Variants in JMJD1C observed in about 807,000 individuals in gnomAD.
JMJD1C encodes the protein jumonji domain-containing protein 1C.
In JMJD1C, 31 loss-of-function variants were observed where a neutral mutation model predicts 245.3. The observed-to-expected ratio is 0.13, with a 90% confidence interval of 0.09 to 0.17. The LOEUF (loss-of-function observed/expected upper bound fraction) is 0.17. Among genes scored for constraint, JMJD1C ranks in the 10% least tolerant of loss-of-function variants. The probability of loss-of-function intolerance (pLI) is 1.00; values close to 1 mark genes in which losing one functional copy is unlikely to be tolerated. For synonymous variants in JMJD1C, 1,057 were observed against 1,017.4 expected (o/e 1.04, Z -0.74); for missense variants, 2,691 against 3,000.2 (o/e 0.90, Z 2.41).
At chr10:63,447,591 A>C (rs540553257) in intron 1 of JMJD1C, among the ~76,000 whole-genome samples, 1 of 152,212 alleles carries the variant, frequency 6.6e-6, no homozygotes, top group Non-Finnish European at 1.5e-5. Context: ...ATAATATTCC[A>C]AATTACTTAG....
At chr10:63,435,114 ATCT>A (rs1205936741) in intron 1 of JMJD1C, among the ~76,000 whole-genome samples, 3 of 152,218 alleles carry the variant, frequency 2.0e-5, no homozygotes, top group African/African-American at 7.2e-5. Context: ...CTGACCTGTA[ATCT>A]TCTCATATAA....
chr10:63,280,438 T>A (rs1015057563), intron 2 of JMJD1C, among the ~76,000 whole-genome samples: 1 of 152,008 alleles, frequency 6.6e-6, no homozygotes, highest in African/African-American at 2.4e-5. Context: ...TAGTCCCAGT[T>A]ACTCGGGAGG....
chr10:63,330,307 T>C (rs1188475302), intron 2 of JMJD1C, among the ~76,000 whole-genome samples: 2 of 152,198 alleles, frequency 1.3e-5, no homozygotes, highest in Non-Finnish European at 2.9e-5. Context: ...CAATGGTTTT[T>C]AGAATTTAAC....
chr10:63,493,019 G>C (rs888309232), intron 1 of JMJD1C, among the ~76,000 whole-genome samples: 1 of 152,102 alleles, frequency 6.6e-6, no homozygotes, highest in African/African-American at 2.4e-5. Context: ...GGGAGAAATA[G>C]AAGGATGATT....
chr10:63,224,048 TATAA>T (rs1488095083), intron 3 of JMJD1C, among the ~76,000 whole-genome samples: 2 of 152,066 alleles, frequency 1.3e-5, no homozygotes, highest in African/African-American at 4.8e-5. Flanking sequence ...AGCCCAGCCT[TATAA>T]ATATTTTTTC....
chr10:63,397,574 C>T (rs1316766003), intron 1 of JMJD1C, among the ~76,000 whole-genome samples: 1 of 152,028 alleles, frequency 6.6e-6, no homozygotes, highest in African/African-American at 2.4e-5. Context: ...ACTCTTGTCA[C>T]CCAGGCTGGA....
chr10:63,519,408 T>C (rs1249591631), intron 1 of JMJD1C, among the ~76,000 whole-genome samples: 2 of 152,230 alleles, frequency 1.3e-5, no homozygotes, highest in Non-Finnish European at 2.9e-5. Context: ...TTTTTAAATC[T>C]GATGCCTAAA....
At chr10:63,469,162 CTAA>C (rs1953411705), upstream of JMJD1C, among the ~76,000 whole-genome samples, 1 of 152,178 alleles carries the variant, frequency 6.6e-6, no homozygotes, top group Admixed American at 6.5e-5. Flanking sequence ...CTCATACATA[CTAA>C]TATTTTATGT....
chr10:63,167,976 C>T lies in JMJD1C; in HGVS notation c.*69G>A. 1 of 892,790 alleles carries T rather than the reference C, an allele frequency of 1.1e-6. No homozygotes were observed. The highest frequency in any genetic ancestry group is 1.3e-5 in the South Asian group (1 of 75,288). 55.3% of individuals were successfully genotyped at this position (892,790 alleles called of 1,614,324 possible). ...TTTTATGAAGCTTAAAGTCAGTGTGCATACATATCATCATTCAAGGTTAAG... is the reference window on the plus strand; with the variant it reads ...TTTTATGAAGCTTAAAGTCAGTGTGTATACATATCATCATTCAAGGTTAAG... On this transcript the variant is annotated 3_prime_UTR_variant, in exon 26 of 26. Transcript: ENST00000399262.
intron 1 of JMJD1C, among the ~76,000 whole-genome samples, chr10:63,503,040 C>CT (rs1320986656): frequency 6.6e-5 from 10 of 152,168 alleles, no homozygotes; most frequent in African/African-American, 1.9e-4. Flanking sequence ...GATGGGGAAA[C>CT]TGAGTCTTAA....
chr10:63,269,820 T>C (rs184759999), intron 2 of JMJD1C, among the ~76,000 whole-genome samples: 233 of 152,320 alleles, frequency 1.5e-3, no homozygotes, highest in Non-Finnish European at 2.6e-3. Flanking sequence ...ATTTCTCAGA[T>C]GTGTTATATA....
chr10:63,473,438 G>C (rs922462143), intron 1 of JMJD1C, among the ~76,000 whole-genome samples: 2 of 151,410 alleles, frequency 1.3e-5, no homozygotes, highest in African/African-American at 2.4e-5. Flanking sequence ...GTAGAGACGG[G>C]GTTTCACTAT....
chr10:63,311,561 C>T (rs967868316), intron 2 of JMJD1C, among the ~76,000 whole-genome samples: 3 of 152,026 alleles, frequency 2.0e-5, no homozygotes, highest in Non-Finnish European at 4.4e-5. Context: ...TGTATTCTGA[C>T]GGAATCATAT....
intron 3 of JMJD1C, among the ~76,000 whole-genome samples, chr10:63,258,703 T>C (rs1854304911): frequency 6.6e-6 from 1 of 152,190 alleles, no homozygotes; most frequent in African/African-American, 2.4e-5. Context: ...ATCTTTGTAT[T>C]TCGGAAGTTT....
chr10:63,439,878 T>C (rs1371783372), intron 1 of JMJD1C, among the ~76,000 whole-genome samples: 2 of 152,224 alleles, frequency 1.3e-5, no homozygotes, highest in Non-Finnish European at 2.9e-5. Context: ...TAGGAACTTA[T>C]TTCTCTATCA....
chr10:63,196,911 C>T (rs1480357469), intron 13 of JMJD1C, among the ~76,000 whole-genome samples: 1 of 152,136 alleles, frequency 6.6e-6, no homozygotes, highest in Non-Finnish European at 1.5e-5. Flanking sequence ...ATCCTCCCAC[C>T]TCAGCCTCCC....
chr10:63,228,207 G>C (rs1849537690), intron 3 of JMJD1C, among the ~76,000 whole-genome samples: 1 of 151,930 alleles, frequency 6.6e-6, no homozygotes, highest in Admixed American at 6.6e-5. Flanking sequence ...CAGAAAAGTA[G>C]CTAAAAAAAT....
intron 1 of JMJD1C, among the ~76,000 whole-genome samples, chr10:63,488,789 C>T (rs1338401988): frequency 1.3e-5 from 2 of 152,118 alleles, no homozygotes; most frequent in Non-Finnish European, 2.9e-5. Context: ...AATTGATAAC[C>T]TGCAGTGGGT....
At chr10:63,464,454 A>G (rs777527516) in intron 1 of JMJD1C, among the ~76,000 whole-genome samples, 7 of 152,126 alleles carry the variant, frequency 4.6e-5, no homozygotes, top group Non-Finnish European at 7.4e-5. Flanking sequence ...AAAATTTCCT[A>G]AATTTGAAGT....
Sources: allele counts gnomAD v4.1 joint callset (sites outside exome capture counted in the v4.1 genomes callset), GRCh38; gene constraint gnomAD v4.1.1; transcripts MANE v1.5; gene names NCBI Gene and HGNC (gene_info 2026-07-23, HGNC 2026-07-21).